The following ANK3 variants were observed in gnomAD, a reference collection of about 807,000 sequenced individuals.
ANK3 encodes ankyrin-3.
ANK3 carries 57 observed loss-of-function variants against 370.9 expected under a neutral mutation model. The ratio of observed to expected loss-of-function variants is 0.15; its 90% CI spans 0.12 to 0.19. ANK3 has a LOEUF of 0.19. ANK3 is among the 10% of genes least tolerant of loss of function. ANK3 has a pLI of 1.00. For missense variants in ANK3, 4,439 were observed against 5,302.1 expected, an observed-to-expected ratio of 0.84 and a Z score of 5.06; for synonymous variants, 1,929 against 1,946.3, an observed-to-expected ratio of 0.99 and a Z score of 0.23.
intron 7 of ANK3, among the ~76,000 whole-genome samples, chr10:60,253,184 T>C (rs534477515): frequency 6.6e-6 from 1 of 152,320 alleles, no homozygotes; most frequent in East Asian, 1.9e-4. Flanking sequence ...AGCTGAAGAC[T>C]ACCTCCATTG....
At chr10:60,733,254 G>T in intron 1 of ANK3, 1 of 1,240,716 alleles carries the variant, frequency 8.1e-7, no homozygotes, top group South Asian at 3.9e-5. Context: ...GGGGCGGCGC[G>T]GCGCTCACCT....
At chr10:60,685,019 G>T (rs2079249294) in intron 1 of ANK3, 1 of 1,542,810 alleles carries the variant, frequency 6.5e-7, no homozygotes, top group South Asian at 1.1e-5. Flanking sequence ...GCAATCATAG[G>T]AGATGGCCTA....
chr10:60,441,440 T>C (rs971845502), intron 2 of ANK3, among the ~76,000 whole-genome samples: 17 of 152,186 alleles, frequency 1.1e-4, no homozygotes, highest in Non-Finnish European at 1.9e-4. Context: ...AGCCCATTTT[T>C]TCCTCTGGAT....
At chr10:60,147,744 C>G (rs1345533501) in intron 23 of ANK3, among the ~76,000 whole-genome samples, 1 of 152,188 alleles carries the variant, frequency 6.6e-6, no homozygotes, top group East Asian at 1.9e-4. Flanking sequence ...AAAGTACTGG[C>G]TCCCCCTTTG....
At chr10:60,625,461 CAGA>C (rs2078396136) in intron 1 of ANK3, among the ~76,000 whole-genome samples, 2 of 152,132 alleles carry the variant, frequency 1.3e-5, no homozygotes, top group Non-Finnish European at 2.9e-5. Flanking sequence ...TAATGGAGGT[CAGA>C]AGAAGAACTA....
chr10:60,491,406 A>G (rs1314886382), intron 2 of ANK3, among the ~76,000 whole-genome samples: 19 of 152,236 alleles, frequency 1.2e-4, no homozygotes, highest in Non-Finnish European at 2.6e-4. Flanking sequence ...AGCTCAATCA[A>G]AAACCGTGCC....
At chr10:60,637,889 G>A (rs1306608013) in intron 1 of ANK3, among the ~76,000 whole-genome samples, 4 of 152,142 alleles carry the variant, frequency 2.6e-5, no homozygotes, top group Non-Finnish European at 5.9e-5. Context: ...AAAACAAGCA[G>A]CTCTGACTTG....
intron 7 of ANK3, among the ~76,000 whole-genome samples, chr10:60,250,587 G>T (rs140599620): frequency 1.3e-5 from 2 of 152,048 alleles, no homozygotes; most frequent in African/African-American, 4.8e-5. Flanking sequence ...GGATGGTCTC[G>T]ATCTCCTGAC....
intron 8 of ANK3, among the ~76,000 whole-genome samples, chr10:60,229,448 A>G (rs981758651): frequency 1.3e-5 from 2 of 152,218 alleles, no homozygotes; most frequent in African/African-American, 4.8e-5. Flanking sequence ...ATCCCTTGAA[A>G]TATAATCAAA....
At chr10:60,140,793 T>C (rs1197661308) in intron 23 of ANK3, 3 of 1,013,312 alleles carry the variant, frequency 3.0e-6, no homozygotes, top group South Asian at 4.5e-5. Context: ...GTGTAGACTT[T>C]CGGTAATTTG....
chr10:60,437,053 C>G (rs2064176533), intron 2 of ANK3, among the ~76,000 whole-genome samples: 1 of 152,198 alleles, frequency 6.6e-6, no homozygotes, highest in Non-Finnish European at 1.5e-5. Context: ...ACCTGGAACA[C>G]TGCTCCTCTT....
At chr10:60,146,037 A>G (rs1156712082) in intron 23 of ANK3, 2 of 1,488,100 alleles carry the variant, frequency 1.3e-6, no homozygotes, top group African/African-American at 1.4e-5. Flanking sequence ...CAAAAAATGA[A>G]TAAAATTAAC....
At chr10:60,492,989 T>C (rs1396405938) in intron 2 of ANK3, among the ~76,000 whole-genome samples, 1 of 141,050 alleles carries the variant, frequency 7.1e-6, no homozygotes, top group East Asian at 2.1e-4. Flanking sequence ...CTGAGGCAGG[T>C]GAATGGTGTG....
intron 5 of ANK3, among the ~76,000 whole-genome samples, chr10:60,269,303 C>T (rs563609738): frequency 6.6e-6 from 1 of 152,216 alleles, no homozygotes; most frequent in South Asian, 2.1e-4. Context: ...TTCTAGACAG[C>T]AAAGATTTTT....
At chr10:60,341,453 C>T (rs926917331) in intron 1 of ANK3, among the ~76,000 whole-genome samples, 1 of 152,048 alleles carries the variant, frequency 6.6e-6, no homozygotes, top group Non-Finnish European at 1.5e-5. Context: ...CAGAAGCTAC[C>T]AATTAGGGCT....
chr10:60,649,114 G>T (rs1231980624), intron 1 of ANK3, among the ~76,000 whole-genome samples: 1 of 152,072 alleles, frequency 6.6e-6, no homozygotes, highest in Admixed American at 6.5e-5. Flanking sequence ...CTGTTCCCAA[G>T]ACAGATTCAA....
At chr10:60,263,686 C>T in intron 6 of ANK3, 149 bp downstream of exon 6, 1 of 904,272 alleles carries the variant, frequency 1.1e-6, no homozygotes, top group Non-Finnish European at 1.7e-6. Context: ...GCTGTGCCTT[C>T]AGTGGCTAGC....
intron 7 of ANK3, among the ~76,000 whole-genome samples, chr10:60,250,467 C>A (rs543683818): frequency 2.0e-5 from 3 of 152,302 alleles, no homozygotes; most frequent in Admixed American, 2.0e-4. Flanking sequence ...CAGGTTCAAG[C>A]AATTCTCCTG....
chr10:60,657,968 C>T (rs1042886650), intron 1 of ANK3, among the ~76,000 whole-genome samples: 3 of 149,948 alleles, frequency 2.0e-5, no homozygotes, highest in African/African-American at 7.3e-5. Flanking sequence ...ATATGCTGCT[C>T]ATTGACTCTA....
Sources: gnomAD v4.1 joint callset for allele counts (sites outside exome capture counted in the v4.1 genomes callset) on GRCh38, gnomAD v4.1.1 for gene constraint, MANE v1.5 for transcripts, NCBI Gene and HGNC (gene_info 2026-07-23, HGNC 2026-07-21) for gene names.